SYNPO: variants seen among roughly 807,000 people sequenced by gnomAD.
SYNPO encodes synaptopodin.
SYNPO carries 19 observed loss-of-function variants against 49.5 expected under a neutral mutation model. The ratio of observed to expected loss-of-function variants is 0.38; its 90% CI spans 0.27 to 0.56. The LOEUF is 0.56. Ranked by LOEUF, SYNPO falls within the 20% of genes least tolerant of loss-of-function variation. SYNPO has a pLI of 0.68. For missense variants in SYNPO, 1,131 were observed against 1,248.3 expected (o/e 0.91, Z 1.42); for synonymous variants, 536 against 548.0 (o/e 0.98, Z 0.31).
At chr5:150,617,999 A>ACC (rs1757028176) in intron 1 of SYNPO, 3 of 179,838 alleles carry the variant, frequency 1.7e-5, no homozygotes, top group African/African-American at 7.0e-5. Context: ...CCAAATGCCG[A>ACC]CCAGTTCTCA....
At chr5:150,587,167 G>A in the SYNPO span, among the ~76,000 whole-genome samples, 2 of 151,950 alleles carry the variant, frequency 1.3e-5, no homozygotes, top group African/African-American at 2.4e-5. Context: ...TACATGGGTG[G>A]ATATATGGAT....
At position 150,650,199 on chromosome 5, in the gene SYNPO, G is replaced by A. The variant is rs41509152; in HGVS notation, c.1924G>A (p.Gly642Ser). ...GCCCACTGCCGTGAGCCCTCCTTAC[G>A]GCGGTGACATCTCCCCCGTGTCTCC... Reference protein sequence around the residue: ...LQPTAVSPPYGGDISPVSPSR... With the variant: ...LQPTAVSPPYSGDISPVSPSR... Residue 642 changes from glycine (G) to serine (S), a missense_variant, in exon 2 of 3, where the codon GGC becomes AGC. Physicochemically the swap from Gly to Ser is moderately conservative, Grantham distance 56. Around this residue, in one of 4 missense-constraint regions of SYNPO, gnomAD observed 509 missense variants for 484.5 expected, o/e 1.05. Transcript: ENST00000307662. 238 of 1,613,926 alleles carry A rather than the reference G, an allele frequency of 1.5e-4. No individual in the cohort carries two copies. In the African/African-American group the frequency reaches 2.2e-3, roughly 15 times the overall value.
intron 1 of SYNPO, among the ~76,000 whole-genome samples, chr5:150,612,426 A>G (rs1756874482): frequency 1.3e-5 from 2 of 152,150 alleles, no homozygotes; most frequent in Admixed American, 1.3e-4. Flanking sequence ...CCTCCCTCCC[A>G]TCCTTCCATT....
chr5:150,651,755 G>T, intron 2 of SYNPO: 1 of 1,000,446 alleles, frequency 1.0e-6, no homozygotes, highest in South Asian at 4.7e-5. Flanking sequence ...CAGACCAACT[G>T]CATGTGTGTC....
Position 150,656,569 on chromosome 5 carries a change from T to C in SYNPO, c.2194T>C (p.Trp732Arg). The change falls in exon 3 of 3, where the codon TGG becomes CGG. Residue 732 changes from tryptophan (W) to arginine (R), a missense_variant. Trp to Arg is a moderately radical substitution (Grantham distance 101). Transcript: ENST00000307662. ...LPPPPPMSPS[W>R]SERSVSPLRP... ...GCCGCCACCGCCCATGTCTCCCTCG[T>C]GGAGCGAGCGCTCGGTGTCCCCGCT... 1 of 1,522,378 alleles carries C rather than the reference T, an allele frequency of 6.6e-7. No homozygotes were observed. The highest frequency in any genetic ancestry group is 1.4e-5 in the African/African-American group (1 of 70,598). The allele number at this position is 1,522,378 out of a possible 1,614,324, so 94.3% of individuals were successfully genotyped here.
chr5:150,658,798 A>G lies in SYNPO; in HGVS notation c.*1711A>G, dbSNP rs1758659104. ...GGGACAGGGTGCTTTGGAATGAAAG[A>G]GTGACCTTAGAGGGCTCCTTGGGCC... is the stretch of plus-strand genomic sequence containing the variant. On this transcript the variant is annotated 3_prime_UTR_variant, in exon 3 of 3. Coordinates refer to ENST00000307662, the MANE Select transcript of SYNPO (RefSeq NM_007286.6). The G allele has an allele frequency of 6.6e-6, 1 of 152,440 alleles. No individual in the cohort carries two copies. The highest frequency in any genetic ancestry group is 1.5e-5 in the Non-Finnish European group (1 of 68,124). The allele number at this position is 152,440 out of a possible 1,614,324, so 9.4% of individuals were successfully genotyped here. A position where few individuals can be genotyped will look rare whatever the true frequency, so the allele number is the denominator to read the frequency against.
rs1198994940 is a variant in SYNPO, at chr5:150,656,541, G to GCCGCCGCCA, written c.2172_2180dup (p.Pro725_Pro727dup). On this transcript the variant is annotated inframe_insertion, in exon 3 of 3. Coordinates refer to ENST00000307662, the MANE Select transcript of SYNPO (RefSeq NM_007286.6). ...GCAGCATGAGCAGCCCCCCGCCGCTGCCGCCGCCACCGCCCATGTCTCCCT... is the reference window on the plus strand; with the variant it reads ...GCAGCATGAGCAGCCCCCCGCCGCTGCCGCCGCCACCGCCGCCACCGCCCATGTCTCCCT... The GCCGCCGCCA allele has an allele frequency of 2.2e-5, 33 of 1,527,910 alleles. No individual in the cohort carries two copies. Among genetic ancestry groups the GCCGCCGCCA allele is most frequent in the Non-Finnish European group, 2.7e-5 (31 of 1,143,864 alleles). The allele number at this position is 1,527,910 out of a possible 1,614,324, so 94.6% of individuals were successfully genotyped here.
At chr5:150,651,596 G>A in intron 2 of SYNPO, 2 of 915,848 alleles carry the variant, frequency 2.2e-6, no homozygotes, top group African/African-American at 1.8e-5. Flanking sequence ...CCTGGGCTGG[G>A]CTGGGCTGGG....
At chr5:150,650,337 A>T (rs1295705351) in intron 2 of SYNPO, 34 bp downstream of exon 2, 1 of 1,613,198 alleles carries the variant, frequency 6.2e-7, no homozygotes, top group Non-Finnish European at 8.5e-7. Flanking sequence ...CAAGTAACGA[A>T]CCCCACGGGG....
In SYNPO at chr5:150,648,438, C is replaced by G; in HGVS notation, c.163C>G (p.Pro55Ala). ...AAACCGAGAGGCCCAGCAGTCCTCA[C>G]CGGCCCCACCTCCAGCTGAGGTCCA... Reference protein sequence around the residue: ...SQNREAQQSSPAPPPAEVHSP... With the variant: ...SQNREAQQSSAAPPPAEVHSP... Residue 55 changes from proline (P) to alanine (A), a missense_variant, in exon 2 of 3, where the codon CCG becomes GCG. Physicochemically the swap from Pro to Ala is conservative, Grantham distance 27. Around this residue, in one of 4 missense-constraint regions of SYNPO, gnomAD observed 602 missense variants for 720.7 expected, o/e 0.84. Coordinates refer to ENST00000307662, the MANE Select transcript of SYNPO (RefSeq NM_007286.6). This position sits in a 1 kb window ranked among gnomAD's most constrained non-coding sequence, Gnocchi z 5.0. 1 of 1,614,188 alleles carries G rather than the reference C, an allele frequency of 6.2e-7. No homozygotes were observed. Among genetic ancestry groups the G allele is most frequent in the Non-Finnish European group, 8.5e-7 (1 of 1,180,030 alleles).
chr5:150,590,163 G>C, the SYNPO span, among the ~76,000 whole-genome samples: 16 of 152,234 alleles, frequency 1.1e-4, no homozygotes, highest in African/African-American at 2.9e-4. Flanking sequence ...AGCCGCACAG[G>C]CTCTTTGATG....
At chr5:150,589,064 T>TTCC in the SYNPO span, among the ~76,000 whole-genome samples, 1 of 32,582 alleles carries the variant, frequency 3.1e-5, no homozygotes, top group East Asian at 1.5e-3. Context: ...GCTTTATAGA[T>TTCC]TTTTTTTTTT....
intron 2 of SYNPO, 199 bp downstream of exon 2, chr5:150,650,502 C>T: frequency 6.7e-7 from 1 of 1,488,638 alleles, no homozygotes; most frequent in African/African-American, 1.4e-5. Flanking sequence ...GAGTCGCCTC[C>T]CCTCTCTGAG....
Position 150,648,116 on chromosome 5 carries a change from G to A in SYNPO, c.-160G>A, listed in dbSNP as rs1224085250. On this transcript the variant is annotated 5_prime_UTR_variant, in exon 2 of 3. Coordinates refer to ENST00000307662, the MANE Select transcript of SYNPO (RefSeq NM_007286.6). The surrounding 1 kb of genome is among the most constrained non-coding windows in gnomAD (Gnocchi z 5.0). ...AGTTCACCTTGGAGAGCCACGGCCA[G>A]AGGGGACAGAAGCCCAGCCAGGAGT... 7 of 1,552,042 alleles carry A rather than the reference G, an allele frequency of 4.5e-6. No homozygotes were observed. The East Asian group carries it at 7.3e-5, about 16-fold the overall frequency.
At chr5:150,620,410 C>T (rs569577069) in intron 2 of SYNPO, among the ~76,000 whole-genome samples, 1 of 152,340 alleles carries the variant, frequency 6.6e-6, no homozygotes, top group African/African-American at 2.4e-5. Context: ...TAGCAATCCC[C>T]ATGAGGGACA....
At chr5:150,618,577 C>T in exon 2 of SYNPO, 1 of 1,550,668 alleles carries the variant, frequency 6.4e-7, no homozygotes, top group Admixed American at 2.0e-5. Context: ...ACTCTGCCTG[C>T]AGAGTCACCC....
At chr5:150,639,669 G>A (rs1199028397), upstream of SYNPO, among the ~76,000 whole-genome samples, 2 of 152,196 alleles carry the variant, frequency 1.3e-5, no homozygotes, top group Non-Finnish European at 1.5e-5. Flanking sequence ...TCTATGAGTT[G>A]CTGTGAGGAT....
chr5:150,652,503 G>A, intron 2 of SYNPO: 2 of 707,620 alleles, frequency 2.8e-6, no homozygotes, highest in Non-Finnish European at 3.5e-6. Flanking sequence ...GTTCTGCACT[G>A]GTACAGACGT....
At chr5:150,603,689 C>T (rs115907052) in intron 1 of SYNPO, among the ~76,000 whole-genome samples, 192 of 152,286 alleles carry the variant, frequency 1.3e-3, no homozygotes, top group African/African-American at 4.3e-3. Flanking sequence ...TGGGTAGGGA[C>T]GAATTCACAG....
Sources: gnomAD v4.1 joint callset for allele counts (sites outside exome capture counted in the v4.1 genomes callset) on GRCh38, gnomAD v4.1.1 for gene constraint, gnomAD v4.1.1 regional missense constraint, Gnocchi (gnomAD v3.1) non-coding constraint, MANE v1.5 for transcripts, NCBI Gene and HGNC (gene_info 2026-07-23, HGNC 2026-07-21) for gene names.